RPGR: variants seen among roughly 807,000 people sequenced by gnomAD.
RPGR encodes retinitis pigmentosa GTPase regulator.
RPGR carries 10 observed loss-of-function variants against 56.3 expected under a neutral mutation model. That is an observed-to-expected ratio of 0.18 (90% CI 0.11 to 0.30). RPGR has a LOEUF of 0.30. RPGR is among the 10% of genes least tolerant of loss of function. The pLI is 1.00. For synonymous variants in RPGR, 197 were observed against 212.9 expected (o/e 0.93, Z 0.65); for missense variants, 538 against 590.9 (o/e 0.91, Z 0.93).
Position 38,286,302 on chromosome X carries a change from TTCCTCCTCTTCTCCC to T in RPGR, c.1905+777_1905+791del, listed in dbSNP as rs2067161070. 6.5e-6 allele frequency: 4 copies of T among 610,820 alleles called. No individual in the cohort carries two copies. The highest frequency in any genetic ancestry group is 8.1e-6 in the Non-Finnish European group (4 of 491,990). 50.3% of individuals were successfully genotyped at this position (610,820 alleles called of 1,213,427 possible). A position where few individuals can be genotyped will look rare whatever the true frequency, so the allele number is the denominator to read the frequency against. On this transcript the variant is annotated intron_variant, in intron 15 of 18. Coordinates refer to ENST00000642395, the MANE Select transcript of RPGR (RefSeq NM_000328.3). ...CTTCCTCTTCTCCCTCCCCTTCTCC[TTCCTCCTCTTCTCCC>T]TCCCCTTCTCCTTCCTCTTCTCCCT...
intron 6 of RPGR, among the ~76,000 whole-genome samples, chrX:38,311,298 CACTT>C (rs2067713016): frequency 1.8e-5 from 2 of 112,432 alleles, no homozygotes; most frequent in African/African-American, 6.5e-5. Flanking sequence ...GAGTTCCTGA[CACTT>C]AATCACTGCC....
intron 7 of RPGR, among the ~76,000 whole-genome samples, chrX:38,309,661 C>T (rs922758305): frequency 1.8e-5 from 2 of 111,826 alleles, no homozygotes; most frequent in African/African-American, 6.5e-5. Flanking sequence ...AACCCCATCA[C>T]TACTAAAAAT....
intron 6 of RPGR, among the ~76,000 whole-genome samples, chrX:38,313,917 C>T (rs986574844): frequency 1.8e-5 from 2 of 111,992 alleles, no homozygotes; most frequent in African/African-American, 6.5e-5. Flanking sequence ...GATGAAGTTT[C>T]TCACAGTGTC....
intron 18 of RPGR, among the ~76,000 whole-genome samples, chrX:38,271,844 T>C (rs1431051331): frequency 1.8e-5 from 2 of 112,375 alleles, no homozygotes; most frequent in Non-Finnish European, 3.8e-5. Flanking sequence ...CTGCTAAGGA[T>C]GACACTGGAA....
At chrX:38,307,933 A>G (rs918988186) in intron 7 of RPGR, among the ~76,000 whole-genome samples, 26 of 112,310 alleles carry the variant, frequency 2.3e-4, no homozygotes, top group African/African-American at 8.4e-4. Flanking sequence ...TTCAATGCCC[A>G]TATTTAAGCA....
rs2067778207 is a variant in RPGR, at chrX:38,314,327, T to C, written c.619+2989A>G. 4.5e-5 allele frequency among the ~76,000 whole-genome samples: 5 copies of C among 111,475 alleles called. No individual in the cohort carries two copies. The South Asian group carries it at 1.9e-3, about 42-fold the overall frequency. ...ACATTTATCACAAAGAATAAATAGG[T>C]CATTTCATATCAATTATATCTACTT... On this transcript the variant is annotated intron_variant, in intron 6 of 18. Coordinates refer to ENST00000642395, the MANE Select transcript of RPGR (RefSeq NM_000328.3).
At chrX:38,275,894 A>G (rs923227292) in intron 16 of RPGR, among the ~76,000 whole-genome samples, 5 of 111,899 alleles carry the variant, frequency 4.5e-5, no homozygotes, top group African/African-American at 1.6e-4. Context: ...GAATCAGTAC[A>G]ACGTCATTCA....
At chrX:38,321,176 G>T in intron 3 of RPGR, 87 bp from the exon 4 acceptor site, 1 of 689,412 alleles carries the variant, frequency 1.5e-6, no homozygotes, top group Non-Finnish European at 2.3e-6. Context: ...TGATAGAACC[G>T]AGATTTAATA....
chrX:38,311,967 T>C (rs2067727003), intron 6 of RPGR, among the ~76,000 whole-genome samples: 1 of 112,136 alleles, frequency 8.9e-6, no homozygotes, highest in Admixed American at 9.5e-5. Flanking sequence ...TGCTTATCTT[T>C]TTCCCACTTT....
At chrX:38,323,332 A>G in intron 2 of RPGR, 67 bp downstream of exon 2, 8 of 964,136 alleles carry the variant, frequency 8.3e-6, no homozygotes, top group South Asian at 6.3e-5. Flanking sequence ...ACACAGCAGC[A>G]TATCTATAAC....
intron 7 of RPGR, among the ~76,000 whole-genome samples, chrX:38,309,756 A>C (rs941627458): frequency 3.6e-5 from 4 of 111,502 alleles, no homozygotes; most frequent in African/African-American, 1.3e-4. Flanking sequence ...TGAACTCAGG[A>C]GGCAGAGGCT....
chrX:38,278,812 T>C (rs760051418), intron 15 of RPGR, among the ~76,000 whole-genome samples: 1 of 112,154 alleles, frequency 8.9e-6, no homozygotes, highest in Non-Finnish European at 1.9e-5. Context: ...TAATCCTCAA[T>C]TACTTGGGAA....
intron 16 of RPGR, among the ~76,000 whole-genome samples, chrX:38,276,005 C>T (rs766563253): frequency 1.2e-4 from 14 of 112,202 alleles, no homozygotes; most frequent in Non-Finnish European, 2.6e-4. Flanking sequence ...AGGTCACTCT[C>T]AGTCAAAACT....
intron 7 of RPGR, among the ~76,000 whole-genome samples, chrX:38,306,818 G>C (rs1190721138): frequency 1.8e-5 from 2 of 112,206 alleles, no homozygotes; most frequent in Non-Finnish European, 3.8e-5. Context: ...ATCCTGGTAG[G>C]TTCCCATTCA....
chrX:38,281,594 T>A (rs2067032927), intron 15 of RPGR, among the ~76,000 whole-genome samples: 1 of 112,550 alleles, frequency 8.9e-6, no homozygotes, highest in African/African-American at 3.2e-5. Flanking sequence ...AGTGTAGCTT[T>A]GCACCTACCT....
intron 1 of RPGR, 68 bp from the exon 2 acceptor site, chrX:38,323,592 A>G: frequency 3.5e-6 from 4 of 1,134,649 alleles, no homozygotes; most frequent in Non-Finnish European, 4.8e-6. Flanking sequence ...ATAACTTTTG[A>G]GTAATTTATC....
rs41312110 is a variant in RPGR, at chrX:38,275,043, G to A, written c.2149+46C>T. 46,781 of 963,272 alleles carry A rather than the reference G, an allele frequency of 0.049. 1,001 individuals are homozygous for A. The highest frequency in any genetic ancestry group is 0.059 in the Non-Finnish European group (39,891 of 672,466). The allele number at this position is 963,272 out of a possible 1,213,427, so 79.4% of individuals were successfully genotyped here. On this transcript the variant is annotated intron_variant, in intron 17 of 18. Coordinates refer to ENST00000642395, the MANE Select transcript of RPGR (RefSeq NM_000328.3). ...ATGGCATACATACACATATATATGT[G>A]TGTATGTATGTATGTATATATGTAT...
chrX:38,304,869 GT>G (rs992008219), intron 7 of RPGR, 79 bp from the exon 8 acceptor site: 3 of 959,483 alleles, frequency 3.1e-6, no homozygotes, highest in Non-Finnish European at 4.4e-6. Flanking sequence ...AAACTGTCAC[GT>G]TCAACCTTTT....
intron 6 of RPGR, among the ~76,000 whole-genome samples, chrX:38,313,278 T>C (rs1298231440): frequency 9.0e-6 from 1 of 111,726 alleles, no homozygotes; most frequent in African/African-American, 3.3e-5. Context: ...TGCTATCAAA[T>C]GTCTTACGTT....
Sources: gnomAD v4.1 joint callset for allele counts (sites outside exome capture counted in the v4.1 genomes callset) on GRCh38, gnomAD v4.1.1 for gene constraint, MANE v1.5 for transcripts, NCBI Gene and HGNC (gene_info 2026-07-23, HGNC 2026-07-21) for gene names.